ERBIN: variants seen among roughly 807,000 people sequenced by gnomAD.
The protein encoded by ERBIN is erbb2 interacting protein.
A neutral mutation model predicts 158.4 loss-of-function variants in ERBIN; 60 were observed. That is an observed-to-expected ratio of 0.38 (90% CI 0.31 to 0.47). ERBIN has a LOEUF of 0.47. Ranked by LOEUF, ERBIN falls within the 20% of genes least tolerant of loss-of-function variation. The probability of loss-of-function intolerance (pLI) is 0.99; values close to 1 mark genes in which losing one functional copy is unlikely to be tolerated. For missense variants in ERBIN, 1,610 were observed against 1,648.0 expected (o/e 0.98, Z 0.40); for synonymous variants, 594 against 557.2 (o/e 1.07, Z -0.93).
chr5:65,935,086 T>C (rs1235463006), intron 1 of ERBIN, among the ~76,000 whole-genome samples: 1 of 152,182 alleles, frequency 6.6e-6, no homozygotes. Context: ...CCTCTTCATA[T>C]ACAAAGCTAG....
intron 1 of ERBIN, among the ~76,000 whole-genome samples, chr5:65,943,824 T>C (rs1280497163): frequency 6.6e-6 from 1 of 152,238 alleles, no homozygotes; most frequent in Non-Finnish European, 1.5e-5. Flanking sequence ...TTTGCAAAAC[T>C]TTAACTCTAT....
intron 1 of ERBIN, among the ~76,000 whole-genome samples, chr5:65,956,130 A>G (rs1383773233): frequency 2.0e-4 from 31 of 152,116 alleles, no homozygotes; most frequent in Admixed American, 2.0e-3. Flanking sequence ...ACATTTGTCC[A>G]ATGTTATGTT....
intron 1 of ERBIN, among the ~76,000 whole-genome samples, chr5:65,967,871 G>A (rs983120851): frequency 6.6e-6 from 1 of 152,140 alleles, no homozygotes; most frequent in Admixed American, 6.5e-5. Flanking sequence ...GCAGTTAGAT[G>A]GTTGCCAGGG....
chr5:65,952,255 A>G (rs1244540404), intron 1 of ERBIN, among the ~76,000 whole-genome samples: 1 of 152,094 alleles, frequency 6.6e-6, no homozygotes, highest in Non-Finnish European at 1.5e-5. Context: ...AGTATATTCT[A>G]TTAATCTGGG....
At chr5:66,063,812 T>C (rs947486241) in intron 21 of ERBIN, among the ~76,000 whole-genome samples, 13 of 152,238 alleles carry the variant, frequency 8.5e-5, no homozygotes, top group African/African-American at 2.7e-4. Context: ...TAAATATACT[T>C]ATCTGTCAGA....
chr5:66,071,111 T>C (rs1761488447), intron 21 of ERBIN, among the ~76,000 whole-genome samples: 1 of 152,172 alleles, frequency 6.6e-6, no homozygotes, highest in Admixed American at 6.5e-5. Flanking sequence ...CCCAGCACTT[T>C]GGGAGGCCGA....
chr5:66,021,282 T>G, intron 7 of ERBIN, 40 bp from the exon 8 acceptor site: 1 of 1,327,022 alleles, frequency 7.5e-7, no homozygotes, highest in Non-Finnish European at 1.1e-6. Context: ...ATGTAATTGA[T>G]ATTTTTCTAG....
chr5:65,980,333 C>T (rs1020648805), intron 1 of ERBIN, among the ~76,000 whole-genome samples: 1 of 152,016 alleles, frequency 6.6e-6, no homozygotes, highest in Admixed American at 6.5e-5. Flanking sequence ...GAGGCTGAGG[C>T]AGGAGAATCG....
intron 4 of ERBIN, among the ~76,000 whole-genome samples, chr5:65,999,432 C>T (rs990132983): frequency 1.3e-5 from 2 of 152,148 alleles, no homozygotes; most frequent in Admixed American, 1.3e-4. Context: ...GGCATCATGT[C>T]TTCACTCCTA....
chr5:65,936,362 A>G (rs1389289499), intron 1 of ERBIN, among the ~76,000 whole-genome samples: 6 of 152,214 alleles, frequency 3.9e-5, no homozygotes, highest in African/African-American at 1.4e-4. Context: ...CTAGGAAAAG[A>G]TAAGGATCTT....
chr5:65,963,936 A>G lies in ERBIN; in HGVS notation c.-57-24699A>G, dbSNP rs1257720314. Among the ~76,000 whole-genome samples, 3 of 151,908 alleles carry G rather than the reference A, an allele frequency of 2.0e-5. No individual in the cohort carries two copies. In the East Asian group the frequency reaches 5.9e-4, roughly 30 times the overall value. ...TGCCTCAGCTTCCCGAGTAGCTGGG[A>G]CTACAGGCGCCTGCCACCATGCTTG... On this transcript the variant is annotated intron_variant, in intron 1 of 25. Coordinates refer to ENST00000284037, the MANE Select transcript of ERBIN (RefSeq NM_001253697.2).
At chr5:65,975,694 T>C (rs1185155016) in intron 1 of ERBIN, among the ~76,000 whole-genome samples, 2 of 152,198 alleles carry the variant, frequency 1.3e-5, no homozygotes, top group East Asian at 1.9e-4. Flanking sequence ...TTAGGAACAC[T>C]TGATAGAATA....
At chr5:65,973,463 AATT>A (rs1749500613) in intron 1 of ERBIN, among the ~76,000 whole-genome samples, 1 of 151,274 alleles carries the variant, frequency 6.6e-6, no homozygotes, top group Non-Finnish European at 1.5e-5. Context: ...CTTCCAGATT[AATT>A]TGCATTTTAA....
intron 14 of ERBIN, among the ~76,000 whole-genome samples, chr5:66,037,405 T>G (rs1004566889): frequency 6.6e-6 from 1 of 151,640 alleles, no homozygotes; most frequent in Non-Finnish European, 1.5e-5. Flanking sequence ...TGACTTGGGG[T>G]GGATGAGGTA....
chr5:65,988,496 C>G (rs1428236191), intron 1 of ERBIN, 139 bp from the exon 2 acceptor site: 2 of 151,922 alleles, frequency 1.3e-5, no homozygotes, highest in Admixed American at 1.3e-4. Context: ...TTGGTCTTAA[C>G]TGTTTTCAGT....
intron 21 of ERBIN, among the ~76,000 whole-genome samples, chr5:66,058,752 A>G (rs987543192): frequency 6.7e-6 from 1 of 149,740 alleles, no homozygotes; most frequent in Non-Finnish European, 1.5e-5. Context: ...CTTTCTCCAT[A>G]TGGCTAGCCA....
chr5:65,934,381 T>C (rs1297124423), intron 1 of ERBIN, among the ~76,000 whole-genome samples: 1 of 152,226 alleles, frequency 6.6e-6, no homozygotes, highest in Non-Finnish European at 1.5e-5. Flanking sequence ...TTACATTTTG[T>C]TGTCATCTCT....
At position 66,013,630 on chromosome 5, in the gene ERBIN, T is replaced by C. The variant is rs753734504; in HGVS notation, c.468T>C (p.Asn156=). The C allele has an allele frequency of 1.2e-6, 2 of 1,610,718 alleles. No homozygotes were observed. Among genetic ancestry groups the C allele is most frequent in the African/African-American group, 1.3e-5 (1 of 74,858 alleles). ...CTTTTCTTGAGTTCTTGCCAGCAAA[T>C]TTTGGCAGGTAAATTATGGTTTCTT... The part of the protein sequence containing the change: ...NDAFLEFLPA[N]FGRLTKLQIL... Residue 156 remains asparagine (N), a synonymous_variant, in exon 6 of 26, where the codon AAT becomes AAC. Transcript: ENST00000284037.
intron 4 of ERBIN, among the ~76,000 whole-genome samples, chr5:66,008,279 C>T (rs950946399): frequency 2.0e-5 from 3 of 151,950 alleles, no homozygotes; most frequent in Non-Finnish European, 2.9e-5. Flanking sequence ...ATTAGCCGGG[C>T]GTGGTGGCGG....
Sources: gnomAD v4.1 joint callset for allele counts (sites outside exome capture counted in the v4.1 genomes callset) on GRCh38, gnomAD v4.1.1 for gene constraint, MANE v1.5 for transcripts, NCBI Gene and HGNC (gene_info 2026-07-23, HGNC 2026-07-21) for gene names.